Variants in SEMA3D observed in about 807,000 individuals in gnomAD.
The protein encoded by SEMA3D is semaphorin-3D.
A neutral mutation model predicts 100.1 loss-of-function variants in SEMA3D; 84 were observed. The ratio of observed to expected loss-of-function variants is 0.84; its 90% CI spans 0.70 to 1.01. The LOEUF is 1.01. Among genes scored for constraint, SEMA3D ranks in the 50% least tolerant of loss-of-function variants. The probability of loss-of-function intolerance (pLI) is 0.00; values close to 1 mark genes in which losing one functional copy is unlikely to be tolerated. For synonymous variants in SEMA3D, 312 were observed against 320.7 expected, an observed-to-expected ratio of 0.97 and a Z score of 0.29; for missense variants, 875 against 934.1, an observed-to-expected ratio of 0.94 and a Z score of 0.82.
intron 2 of SEMA3D, among the ~76,000 whole-genome samples, chr7:85,147,987 C>T (rs369323503): frequency 1.0e-3 from 154 of 152,196 alleles, no homozygotes; most frequent in African/African-American, 3.6e-3. Flanking sequence ...CACCCACTGC[C>T]TAGTAGGTGT....
At chr7:85,053,724 TCA>T (rs1791230810) in intron 9 of SEMA3D, among the ~76,000 whole-genome samples, 9 of 152,032 alleles carry the variant, frequency 5.9e-5, no homozygotes, top group Non-Finnish European at 1.2e-4. Context: ...GACCAATGGA[TCA>T]TATGTATAGT....
the SEMA3D span, among the ~76,000 whole-genome samples, chr7:85,198,951 C>T: frequency 8.9e-4 from 133 of 149,852 alleles, 1 homozygote; most frequent in South Asian, 0.012. Context: ...CATTTTCTTA[C>T]GATTACTACT....
intron 2 of SEMA3D, among the ~76,000 whole-genome samples, chr7:85,138,843 GATAT>G (rs1372685253): frequency 6.6e-6 from 1 of 151,070 alleles, no homozygotes; most frequent in East Asian, 2.0e-4. Context: ...CCCGATGTGT[GATAT>G]TCCCCCCTGT....
At chr7:85,141,363 C>T (rs767325227) in intron 2 of SEMA3D, 2 of 984,112 alleles carry the variant, frequency 2.0e-6, no homozygotes, top group Non-Finnish European at 2.4e-6. Flanking sequence ...GCACAGTATG[C>T]CCTATTTCTC....
chr7:85,154,535 A>T (rs1790526677), intron 1 of SEMA3D, among the ~76,000 whole-genome samples: 1 of 152,154 alleles, frequency 6.6e-6, no homozygotes, highest in Non-Finnish European at 1.5e-5. Flanking sequence ...CCAGACATTT[A>T]CTTATTAACA....
chr7:85,051,833 C>G (rs1026290622), intron 9 of SEMA3D, among the ~76,000 whole-genome samples: 1 of 151,872 alleles, frequency 6.6e-6, no homozygotes, highest in Non-Finnish European at 1.5e-5. Flanking sequence ...CCAGGAATCA[C>G]AATTACCAAG....
the SEMA3D span, among the ~76,000 whole-genome samples, chr7:85,210,498 AT>A: frequency 5.3e-5 from 8 of 152,102 alleles, no homozygotes; most frequent in Non-Finnish European, 1.0e-4. Context: ...AGGAACAATG[AT>A]GAAGGATTCT....
the SEMA3D span, among the ~76,000 whole-genome samples, chr7:85,240,197 T>G: frequency 6.6e-6 from 1 of 152,246 alleles, no homozygotes; most frequent in South Asian, 2.1e-4. Context: ...ATTCTTAGTT[T>G]GCTGAGGGTG....
chr7:85,137,422 C>T (rs968598256), intron 2 of SEMA3D, among the ~76,000 whole-genome samples: 1 of 151,848 alleles, frequency 6.6e-6, no homozygotes, highest in Non-Finnish European at 1.5e-5. Flanking sequence ...ACACACATAA[C>T]ACAGACACTA....
chr7:85,117,876 T>C (rs990592808), intron 3 of SEMA3D, among the ~76,000 whole-genome samples: 2 of 150,904 alleles, frequency 1.3e-5, no homozygotes, highest in Admixed American at 1.3e-4. Flanking sequence ...GATATAAAAA[T>C]ATATCTTTTT....
intron 1 of SEMA3D, among the ~76,000 whole-genome samples, chr7:85,166,455 A>C (rs956279041): frequency 6.6e-6 from 1 of 152,042 alleles, no homozygotes; most frequent in Non-Finnish European, 1.5e-5. Flanking sequence ...AGTGATTGGA[A>C]AAAAAGAGCA....
intron 3 of SEMA3D, among the ~76,000 whole-genome samples, chr7:85,101,298 A>G (rs1226926530): frequency 6.6e-6 from 1 of 152,062 alleles, no homozygotes; most frequent in Non-Finnish European, 1.5e-5. Flanking sequence ...CTAGTAGAGT[A>G]AGTAGTTTAT....
chr7:85,094,440 C>T (rs1468587662), intron 4 of SEMA3D, among the ~76,000 whole-genome samples: 1 of 151,900 alleles, frequency 6.6e-6, no homozygotes, highest in Non-Finnish European at 1.5e-5. Flanking sequence ...GAAATATTTG[C>T]CACATTATCA....
chr7:85,168,401 G>A (rs1169548741), intron 1 of SEMA3D, among the ~76,000 whole-genome samples: 1 of 151,688 alleles, frequency 6.6e-6, no homozygotes, highest in East Asian at 1.9e-4. Flanking sequence ...GTGACTATTA[G>A]TTGTCACCAT....
chr7:85,122,387 G>A (rs1282527315), intron 2 of SEMA3D, among the ~76,000 whole-genome samples: 2 of 152,084 alleles, frequency 1.3e-5, no homozygotes. Context: ...TAAAATTAAG[G>A]ACTGGCTTTG....
At chr7:85,096,170 T>G (rs1788546119) in intron 4 of SEMA3D, among the ~76,000 whole-genome samples, 1 of 151,960 alleles carries the variant, frequency 6.6e-6, no homozygotes, top group Non-Finnish European at 1.5e-5. Flanking sequence ...GCCACTTTCA[T>G]AAAACACGTC....
the SEMA3D span, among the ~76,000 whole-genome samples, chr7:85,200,620 A>G: frequency 6.6e-6 from 1 of 152,236 alleles, no homozygotes; most frequent in African/African-American, 2.4e-5. Flanking sequence ...CTGACAATGC[A>G]ATAGAAAAGA....
At chr7:85,022,716 A>G in intron 12 of SEMA3D, 103 bp from the exon 13 acceptor site, 2 of 732,104 alleles carry the variant, frequency 2.7e-6, no homozygotes, top group Non-Finnish European at 4.9e-6. Context: ...ATAATATTAA[A>G]TGAATGGACA....
At chr7:85,006,662 C>G in intron 18 of SEMA3D, 140 bp downstream of exon 18, 1 of 566,018 alleles carries the variant, frequency 1.8e-6, no homozygotes, top group Non-Finnish European at 2.9e-6. Context: ...GCTATTGTTA[C>G]CTTTGGTGTT....
Sources: gnomAD v4.1 joint callset for allele counts (sites outside exome capture counted in the v4.1 genomes callset) on GRCh38, gnomAD v4.1.1 for gene constraint, MANE v1.5 for transcripts, NCBI Gene and HGNC (gene_info 2026-07-23, HGNC 2026-07-21) for gene names.